HHLA2: variants seen among roughly 807,000 people sequenced by gnomAD.
HHLA2 encodes HERV-H LTR-associating protein 2.
A neutral mutation model predicts 45.9 loss-of-function variants in HHLA2; 48 were observed. The ratio of observed to expected loss-of-function variants is 1.05; its 90% CI spans 0.83 to 1.33. The LOEUF is 1.33. Ranked by LOEUF, HHLA2 falls within the 40% of genes most tolerant of loss-of-function variation. HHLA2 has a pLI of 0.00. For missense variants in HHLA2, 462 were observed against 494.3 expected (o/e 0.93, Z 0.62); for synonymous variants, 161 against 173.9 (o/e 0.93, Z 0.59).
At chr3:108,328,380 A>G in intron 3 of HHLA2, 1 of 1,423,358 alleles carries the variant, frequency 7.0e-7, no homozygotes. Context: ...AGGTTCCAGT[A>G]TTATCTGTGC....
intron 10 of HHLA2, 162 bp downstream of exon 9, chr3:108,376,719 A>G (rs371793834): frequency 3.6e-6 from 2 of 550,690 alleles, no homozygotes; most frequent in East Asian, 3.2e-5. Flanking sequence ...AAATATAATT[A>G]GGCTTTTCCC....
At chr3:108,310,275 C>T (rs2925539) in intron 1 of HHLA2, among the ~76,000 whole-genome samples, 2,080 of 152,132 alleles carry the variant, frequency 0.014, 41 homozygotes, top group African/African-American at 0.045. Context: ...AAAAACAAGT[C>T]TTACATGAAT....
chr3:108,366,054 G>A (rs112151714), intron 8 of HHLA2, among the ~76,000 whole-genome samples: 9,700 of 152,206 alleles, frequency 0.064, 1,021 homozygotes, highest in East Asian at 0.45. Context: ...CTTGTCTTGC[G>A]CCGGTTTTCA....
rs375303924 is a variant in HHLA2, at chr3:108,331,565, T to C, written c.-27+3218T>C. ...TCACACTGTAGAAATGAAACATTGA[T>C]GTATTAGATAAAATACAGTGAAATT... On this transcript the variant is annotated intron_variant, in intron 3 of 10. Transcript: ENST00000619531. Among the ~76,000 whole-genome samples, 15 of 152,306 alleles carry C rather than the reference T, an allele frequency of 9.8e-5. No homozygotes were observed. The South Asian group carries it at 2.7e-3, about 27-fold the overall frequency.
At chr3:108,342,863 T>G (rs1294798032) in intron 3 of HHLA2, among the ~76,000 whole-genome samples, 2 of 152,186 alleles carry the variant, frequency 1.3e-5, no homozygotes, top group Non-Finnish European at 2.9e-5. Flanking sequence ...AGGTCTTCCT[T>G]AACACCCTGC....
chr3:108,296,944 T>C (rs2080770632), intron 1 of HHLA2, among the ~76,000 whole-genome samples: 1 of 152,242 alleles, frequency 6.6e-6, no homozygotes, highest in Non-Finnish European at 1.5e-5. Flanking sequence ...GAGTGTATTC[T>C]TACTTGTAAT....
At chr3:108,365,362 GT>G (rs1222257356) in intron 8 of HHLA2, among the ~76,000 whole-genome samples, 2 of 152,148 alleles carry the variant, frequency 1.3e-5, no homozygotes, top group South Asian at 4.1e-4. Flanking sequence ...CTATGTATCT[GT>G]TTTGGTACCA....
chr3:108,341,617 A>C (rs1165106733), intron 3 of HHLA2, among the ~76,000 whole-genome samples: 2 of 149,718 alleles, frequency 1.3e-5, no homozygotes, highest in East Asian at 3.9e-4. Flanking sequence ...ACAAAAAAAA[A>C]CAGAGCCCAG....
chr3:108,361,882 C>T (rs1258540760), intron 7 of HHLA2, among the ~76,000 whole-genome samples: 1 of 152,154 alleles, frequency 6.6e-6, no homozygotes, highest in African/African-American at 2.4e-5. Flanking sequence ...ACTCTTACTT[C>T]ATCCTCCAAG....
chr3:108,361,799 T>A (rs547233625), intron 7 of HHLA2, among the ~76,000 whole-genome samples: 9 of 152,034 alleles, frequency 5.9e-5, no homozygotes, highest in Non-Finnish European at 1.2e-4. Flanking sequence ...CTTCTACTCA[T>A]CTCCTTTTAT....
intron 7 of HHLA2, among the ~76,000 whole-genome samples, chr3:108,360,798 A>C (rs542450047): frequency 6.6e-6 from 1 of 152,356 alleles, no homozygotes; most frequent in East Asian, 1.9e-4. Flanking sequence ...TGGGTAACTA[A>C]AACCTCAGAA....
chr3:108,353,272 G>T (rs1189540979), intron 4 of HHLA2, among the ~76,000 whole-genome samples, 155 bp from the exon 4 acceptor site: 1 of 152,148 alleles, frequency 6.6e-6, no homozygotes, highest in African/African-American at 2.4e-5. Flanking sequence ...AGCTTCACAG[G>T]TTTGTTTCTA....
At chr3:108,314,124 T>C (rs1489388513) in intron 2 of HHLA2, among the ~76,000 whole-genome samples, 6 of 152,164 alleles carry the variant, frequency 3.9e-5, no homozygotes, top group Non-Finnish European at 5.9e-5. Context: ...GGAGTTCAGA[T>C]TGATTTTTTT....
intron 2 of HHLA2, among the ~76,000 whole-genome samples, chr3:108,327,706 A>G (rs1236141547): frequency 6.6e-6 from 1 of 152,186 alleles, no homozygotes; most frequent in Non-Finnish European, 1.5e-5. Context: ...TTGAACAAAA[A>G]AAGTATGGTT....
intron 2 of HHLA2, among the ~76,000 whole-genome samples, chr3:108,327,161 CTT>C (rs1243674897): frequency 6.6e-6 from 1 of 152,140 alleles, no homozygotes; most frequent in Non-Finnish European, 1.5e-5. Flanking sequence ...TTTCTCTCAT[CTT>C]TGGCTTCTAT....
chr3:108,314,195 A>G (rs760857603), intron 2 of HHLA2, among the ~76,000 whole-genome samples: 2 of 152,120 alleles, frequency 1.3e-5, no homozygotes, highest in African/African-American at 2.4e-5. Flanking sequence ...ATTTGTGCCT[A>G]TGAATACTTG....
At chr3:108,320,453 A>G (rs962349520) in intron 2 of HHLA2, among the ~76,000 whole-genome samples, 3 of 152,200 alleles carry the variant, frequency 2.0e-5, no homozygotes, top group Non-Finnish European at 4.4e-5. Context: ...AAAGACCACG[A>G]TTACTTTTGC....
At chr3:108,307,348 C>A (rs900206205) in intron 1 of HHLA2, among the ~76,000 whole-genome samples, 1 of 151,946 alleles carries the variant, frequency 6.6e-6, no homozygotes, top group Non-Finnish European at 1.5e-5. Flanking sequence ...TATAAGAGTT[C>A]TTGTTGGCCA....
intron 8 of HHLA2, among the ~76,000 whole-genome samples, chr3:108,365,540 A>G (rs1016188981): frequency 6.6e-6 from 1 of 152,164 alleles, no homozygotes; most frequent in African/African-American, 2.4e-5. Context: ...AAGAAAGTCA[A>G]TGGTAGCTTG....
Sources: gnomAD v4.1 joint callset for allele counts (sites outside exome capture counted in the v4.1 genomes callset) on GRCh38, gnomAD v4.1.1 for gene constraint, MANE v1.5 for transcripts, NCBI Gene and HGNC (gene_info 2026-07-23, HGNC 2026-07-21) for gene names.